PCBP3: variants seen among roughly 807,000 people sequenced by gnomAD.
The protein encoded by PCBP3 is poly(rC) binding protein 3, also known as poly(rC)-binding protein 3.
A neutral mutation model predicts 52.7 loss-of-function variants in PCBP3; 25 were observed. That is an observed-to-expected ratio of 0.47 (90% confidence interval 0.35 to 0.66). The LOEUF (loss-of-function observed/expected upper bound fraction) is 0.66. Ranked by LOEUF, PCBP3 falls within the 30% of genes least tolerant of loss-of-function variation. PCBP3 has a pLI of 0.01. For missense variants in PCBP3, 391 were observed against 490.3 expected, an observed-to-expected ratio of 0.80 and a Z score of 1.91; for synonymous variants, 162 against 183.0, an observed-to-expected ratio of 0.89 and a Z score of 0.93.
At chr21:45,754,788 T>C (rs1245252526) in intron 3 of PCBP3, among the ~76,000 whole-genome samples, 3 of 152,220 alleles carry the variant, frequency 2.0e-5, no homozygotes, top group Non-Finnish European at 2.9e-5. Flanking sequence ...TTGGCTTCCA[T>C]TGCTATTGAG....
chr21:45,925,577 T>G (rs1274376541), intron 13 of PCBP3, among the ~76,000 whole-genome samples: 3 of 150,892 alleles, frequency 2.0e-5, no homozygotes, highest in Non-Finnish European at 4.4e-5. Context: ...AATTTTTTTG[T>G]TTTTTTTTCT....
At chr21:45,890,533 A>G in intron 5 of PCBP3, among the ~76,000 whole-genome samples, 1 of 152,020 alleles carries the variant, frequency 6.6e-6, no homozygotes, top group Non-Finnish European at 1.5e-5. Flanking sequence ...TGTAGATAAC[A>G]GAACCTGGAA....
At position 45,656,214 on chromosome 21, in the gene PCBP3, T is replaced by C. The variant is rs2080008346; in HGVS notation, c.-279+12346T>C. Among the ~76,000 whole-genome samples, 1 of 152,186 alleles carries C rather than the reference T, an allele frequency of 6.6e-6. No homozygotes were observed. Among genetic ancestry groups the C allele is most frequent in the Non-Finnish European group, 1.5e-5 (1 of 68,028 alleles). ...CATGCATATGTTTATTGCAGCATTG[T>C]TCACGATAGCAAAGACTTGGAACCC... On this transcript the variant is annotated intron_variant, in intron 1 of 17. Coordinates refer to ENST00000681687, the MANE Select transcript of PCBP3 (RefSeq NM_001384156.1). This position sits in a 1 kb window ranked among gnomAD's most constrained non-coding sequence, Gnocchi z 4.3.
At chr21:45,841,299 C>A (rs796672692) in intron 4 of PCBP3, among the ~76,000 whole-genome samples, 1 of 152,102 alleles carries the variant, frequency 6.6e-6, no homozygotes, top group Admixed American at 6.5e-5. Context: ...TTCTCCTGAA[C>A]CTTTTTTACC....
intron 13 of PCBP3, among the ~76,000 whole-genome samples, chr21:45,926,045 C>T (rs546559858): frequency 2.0e-5 from 3 of 152,350 alleles, no homozygotes; most frequent in South Asian, 4.1e-4. Flanking sequence ...TAAAGCACAT[C>T]TCATCATCTT....
intron 5 of PCBP3, among the ~76,000 whole-genome samples, chr21:45,852,026 T>A (rs1461740054): frequency 2.0e-5 from 3 of 152,244 alleles, no homozygotes; most frequent in Non-Finnish European, 4.4e-5. Context: ...GAGTAAATTC[T>A]GGTGTTCTGT....
chr21:45,693,798 G>A (rs2082620422), intron 2 of PCBP3, among the ~76,000 whole-genome samples: 1 of 152,096 alleles, frequency 6.6e-6, no homozygotes, highest in Non-Finnish European at 1.5e-5. Flanking sequence ...CTTTTAGCAA[G>A]TTCTTTAGGT....
intron 2 of PCBP3, among the ~76,000 whole-genome samples, chr21:45,676,216 T>C (rs1569105130): frequency 6.6e-6 from 1 of 152,240 alleles, no homozygotes; most frequent in African/African-American, 2.4e-5. Context: ...ACTGAGCCTG[T>C]TACTTCAAAG....
rs1013242722 is a variant in PCBP3 at position 45,880,948 on chromosome 21, G to A, written c.11-15260G>A. Among the ~76,000 whole-genome samples, 1 of 152,182 alleles carries A rather than the reference G, an allele frequency of 6.6e-6. No homozygotes were observed. Among genetic ancestry groups the A allele is most frequent in the Non-Finnish European group, 1.5e-5 (1 of 68,024 alleles). On this transcript the variant is annotated intron_variant, in intron 5 of 17. Coordinates refer to ENST00000681687, the MANE Select transcript of PCBP3 (RefSeq NM_001384156.1). This position sits in a 1 kb window ranked among gnomAD's most constrained non-coding sequence, Gnocchi z 5.4. ...ACCCAGGGGCTTCAGCACGGGGTGA[G>A]TCCAAGCTTAGAAGCTCACTGGCAG... is the stretch of plus-strand genomic sequence containing the variant.
chr21:45,673,318 A>G (rs768526733), intron 2 of PCBP3, among the ~76,000 whole-genome samples: 12 of 152,200 alleles, frequency 7.9e-5, no homozygotes, highest in Non-Finnish European at 1.5e-4. Flanking sequence ...AGACGTCACA[A>G]AGGTGTGGTA....
intron 2 of PCBP3, among the ~76,000 whole-genome samples, chr21:45,669,950 C>T (rs1266071464): frequency 6.7e-6 from 1 of 150,038 alleles, no homozygotes; most frequent in African/African-American, 2.5e-5. Context: ...TATTTGAGTC[C>T]CTTGCTTTTA....
intron 5 of PCBP3, among the ~76,000 whole-genome samples, chr21:45,882,625 C>CT (rs2095429637): frequency 6.6e-6 from 1 of 152,150 alleles, no homozygotes; most frequent in African/African-American, 2.4e-5. Context: ...GAATTTTTCC[C>CT]TGTGTTTTTT....
chr21:45,831,510 G>T (rs2093449092), intron 4 of PCBP3, among the ~76,000 whole-genome samples: 1 of 151,956 alleles, frequency 6.6e-6, no homozygotes, highest in Non-Finnish European at 1.5e-5. Flanking sequence ...GAGGTCTGTT[G>T]TTGAAAGTTT....
At chr21:45,858,285 A>C (rs1054009388) in intron 5 of PCBP3, 4 of 152,248 alleles carry the variant, frequency 2.6e-5, no homozygotes, top group Non-Finnish European at 5.9e-5. Flanking sequence ...GAGGCGGTAG[A>C]GGACCTGTCA....
intron 16 of PCBP3, 152 bp from the exon 17 acceptor site, chr21:45,939,878 G>A: frequency 1.5e-6 from 1 of 650,894 alleles, no homozygotes; most frequent in South Asian, 2.0e-5. Flanking sequence ...AGGCAGGTGT[G>A]GGCGGGGCCT....
intron 2 of PCBP3, among the ~76,000 whole-genome samples, chr21:45,692,459 T>C (rs953254512): frequency 6.6e-6 from 1 of 151,372 alleles, no homozygotes; most frequent in Non-Finnish European, 1.5e-5. Context: ...TCTCCACAGA[T>C]CCTACAGATA....
intron 4 of PCBP3, among the ~76,000 whole-genome samples, chr21:45,841,582 TTTTC>T (rs1324496404): frequency 3.9e-5 from 6 of 152,226 alleles, no homozygotes; most frequent in African/African-American, 1.4e-4. Flanking sequence ...ATGAGTTTCG[TTTTC>T]TTTGTGTCCA....
At chr21:45,901,887 T>A (rs1290609478) in intron 9 of PCBP3, among the ~76,000 whole-genome samples, 1 of 152,234 alleles carries the variant, frequency 6.6e-6, no homozygotes, top group Non-Finnish European at 1.5e-5. Context: ...TTTAGTGTCT[T>A]TGAGGAGTGA....
At chr21:45,885,942 C>A (rs2095506410) in intron 5 of PCBP3, among the ~76,000 whole-genome samples, 1 of 152,226 alleles carries the variant, frequency 6.6e-6, no homozygotes, top group Admixed American at 6.5e-5. Context: ...TTTTTGAAAT[C>A]TGGACCTTCT....
Sources: gnomAD v4.1 joint callset for allele counts (sites outside exome capture counted in the v4.1 genomes callset) on GRCh38, gnomAD v4.1.1 for gene constraint, Gnocchi (gnomAD v3.1) non-coding constraint, MANE v1.5 for transcripts, NCBI Gene and HGNC (gene_info 2026-07-23, HGNC 2026-07-21) for gene names.